Variants in BBX observed in about 807,000 individuals in gnomAD.
BBX encodes the protein BBX high mobility group box domain containing, also known as HMG box transcription factor BBX.
A neutral mutation model predicts 100.2 loss-of-function variants in BBX; 30 were observed. The observed-to-expected ratio is 0.30, with a 90% CI of 0.22 to 0.41. BBX has a LOEUF of 0.41. BBX is among the 10% of genes least tolerant of loss of function. BBX has a pLI of 1.00. For missense variants in BBX, 1,023 were observed against 1,129.8 expected (o/e 0.91, Z 1.35); for synonymous variants, 376 against 388.1 (o/e 0.97, Z 0.37).
chr3:107,795,482 A>C (rs1236442651), intron 15 of BBX, among the ~76,000 whole-genome samples: 1 of 152,134 alleles, frequency 6.6e-6, no homozygotes, highest in Non-Finnish European at 1.5e-5. Context: ...GTCACATTAC[A>C]TACCTTTTGC....
intron 3 of BBX, among the ~76,000 whole-genome samples, chr3:107,690,610 A>G (rs2060097343): frequency 6.6e-6 from 1 of 152,140 alleles, no homozygotes; most frequent in Non-Finnish European, 1.5e-5. Context: ...CCAGGTTTAT[A>G]TGGTTTATGA....
intron 3 of BBX, among the ~76,000 whole-genome samples, chr3:107,667,988 A>C (rs1487094077): frequency 1.3e-5 from 2 of 152,204 alleles, no homozygotes; most frequent in Non-Finnish European, 2.9e-5. Context: ...TATTTATCTT[A>C]GCTATAAAAA....
chr3:107,686,790 C>A (rs2059875348), intron 3 of BBX, among the ~76,000 whole-genome samples: 1 of 152,102 alleles, frequency 6.6e-6, no homozygotes, highest in South Asian at 2.1e-4. Flanking sequence ...TTGTGGTGTT[C>A]ACATTTTCTA....
chr3:107,523,557 G>A (rs1348600707), intron 1 of BBX: 2 of 152,514 alleles, frequency 1.3e-5, no homozygotes, highest in Non-Finnish European at 2.9e-5. Context: ...GCCGGGGCGC[G>A]GGCTGGAGCG....
At chr3:107,551,387 C>T (rs992415554) in intron 2 of BBX, among the ~76,000 whole-genome samples, 3 of 152,174 alleles carry the variant, frequency 2.0e-5, no homozygotes, top group African/African-American at 7.2e-5. Context: ...AGCATTTCAC[C>T]CATCTTTTTC....
intron 2 of BBX, among the ~76,000 whole-genome samples, chr3:107,536,898 T>C (rs919302450): frequency 3.3e-5 from 5 of 152,206 alleles, no homozygotes; most frequent in Non-Finnish European, 7.3e-5. Flanking sequence ...ATTGTTTTAA[T>C]AGATATGGTA....
At position 107,806,988 on chromosome 3, in the gene BBX, A is replaced by G. The variant is rs1041923872; in HGVS notation, c.*1531A>G. 3.3e-5 allele frequency: 5 copies of G among 152,190 alleles called. No individual in the cohort carries two copies. The highest frequency in any genetic ancestry group is 7.3e-5 in the Non-Finnish European group (5 of 68,034). The allele number at this position is 152,190 out of a possible 1,614,324, so 9.4% of individuals were successfully genotyped here. A position where few individuals can be genotyped will look rare whatever the true frequency, so the allele number is the denominator to read the frequency against. On this transcript the variant is annotated 3_prime_UTR_variant, in exon 18 of 18. Coordinates refer to ENST00000325805, the MANE Select transcript of BBX (RefSeq NM_001142568.3). ...AGATCTCTAAATGGTGACAGTTTAC[A>G]TGGTTTTATCTAGCTTTCTTATTTA...
chr3:107,716,163 A>G (rs1371214217), intron 4 of BBX, among the ~76,000 whole-genome samples: 1 of 152,190 alleles, frequency 6.6e-6, no homozygotes, highest in South Asian at 2.1e-4. Flanking sequence ...TACTATTCAT[A>G]TATTTTATGT....
At chr3:107,770,380 A>C (rs970045500) in intron 10 of BBX, among the ~76,000 whole-genome samples, 2 of 152,198 alleles carry the variant, frequency 1.3e-5, no homozygotes, top group Admixed American at 1.3e-4. Context: ...TACCTTGAGA[A>C]TGCCTTTCTA....
At chr3:107,626,948 G>A (rs1312411385) in intron 2 of BBX, among the ~76,000 whole-genome samples, 2 of 152,098 alleles carry the variant, frequency 1.3e-5, no homozygotes, top group Admixed American at 1.3e-4. Context: ...CACCGCACCT[G>A]GCCTTCCATA....
chr3:107,563,346 G>A (rs781714596), intron 2 of BBX, among the ~76,000 whole-genome samples: 1 of 152,254 alleles, frequency 6.6e-6, no homozygotes, highest in Admixed American at 6.5e-5. Context: ...GGCAGTACCC[G>A]CTACTTCCTA....
chr3:107,532,119 G>A (rs548594110), intron 2 of BBX, among the ~76,000 whole-genome samples: 11 of 152,026 alleles, frequency 7.2e-5, no homozygotes, highest in South Asian at 6.2e-4. Context: ...ACTTGAGCCC[G>A]CACGGTTGAG....
chr3:107,789,336 C>A (rs1251438902), intron 13 of BBX, among the ~76,000 whole-genome samples: 1 of 152,180 alleles, frequency 6.6e-6, no homozygotes, highest in Non-Finnish European at 1.5e-5. Context: ...AGAAAGCTAT[C>A]TAATGCTGTC....
rs913332935 is a variant in BBX at position 107,624,639 on chromosome 3, C to T, written c.-83-21197C>T. Among the ~76,000 whole-genome samples the T allele has an allele frequency of 5.6e-4, 85 of 152,196 alleles. 1 individual carries two copies. The highest frequency in any genetic ancestry group is 2.9e-3 in the Admixed American group (45 of 15,288). ...ATCCCAGCACTTTGGGAGGCTGAGG[C>T]GGGCAGATCACCTGAGGTCAGGAGT... is the stretch of plus-strand genomic sequence containing the variant. On this transcript the variant is annotated intron_variant, in intron 2 of 17. Coordinates refer to ENST00000325805, the MANE Select transcript of BBX (RefSeq NM_001142568.3).
intron 1 of BBX, chr3:107,525,475 T>A (rs1413601828): frequency 3.3e-5 from 5 of 152,464 alleles, no homozygotes; most frequent in Admixed American, 3.3e-4. Flanking sequence ...TAGCAGACTT[T>A]TACGCCCGGA....
intron 3 of BBX, among the ~76,000 whole-genome samples, chr3:107,685,793 C>T (rs2059813032): frequency 6.6e-6 from 1 of 152,150 alleles, no homozygotes; most frequent in South Asian, 2.1e-4. Context: ...GATTTTTGCA[C>T]GTTTGTTTTG....
intron 4 of BBX, among the ~76,000 whole-genome samples, chr3:107,713,763 A>G (rs2061886357): frequency 6.6e-6 from 1 of 152,054 alleles, no homozygotes; most frequent in African/African-American, 2.4e-5. Context: ...GAAGTGGCAC[A>G]GATCATCTTC....
intron 2 of BBX, among the ~76,000 whole-genome samples, chr3:107,591,543 G>A (rs980366677): frequency 1.6e-4 from 24 of 152,140 alleles, no homozygotes; most frequent in Non-Finnish European, 3.1e-4. Context: ...ACTGGAGTGC[G>A]GTAACGCTAT....
At chr3:107,584,429 A>G (rs56859585) in intron 2 of BBX, among the ~76,000 whole-genome samples, 31,562 of 148,852 alleles carry the variant, frequency 0.21, 4,836 homozygotes, top group East Asian at 0.88. Flanking sequence ...AAATTTGTCC[A>G]TTCAAATCTT....
Sources: gnomAD v4.1 joint callset for allele counts (sites outside exome capture counted in the v4.1 genomes callset) on GRCh38, gnomAD v4.1.1 for gene constraint, MANE v1.5 for transcripts, NCBI Gene and HGNC (gene_info 2026-07-23, HGNC 2026-07-21) for gene names.